DLGAP2: variants seen among roughly 807,000 people sequenced by gnomAD.
DLGAP2 encodes the protein DLG associated protein 2.
In DLGAP2, 26 loss-of-function variants were observed where a neutral mutation model predicts 100.3. The observed-to-expected ratio is 0.26, with a 90% CI of 0.19 to 0.36. The LOEUF (loss-of-function observed/expected upper bound fraction) is 0.36. Among genes scored for constraint, DLGAP2 ranks in the 10% least tolerant of loss-of-function variants. The probability of loss-of-function intolerance (pLI) is 1.00; values close to 1 mark genes in which losing one functional copy is unlikely to be tolerated. For synonymous variants in DLGAP2, 886 were observed against 630.1 expected (o/e 1.41, Z -6.08); for missense variants, 1,858 against 1,453.2 (o/e 1.28, Z -4.53).
chr8:1,586,647 C>T (rs1796129844), intron 6 of DLGAP2, among the ~76,000 whole-genome samples: 1 of 152,206 alleles, frequency 6.6e-6, no homozygotes, highest in South Asian at 2.1e-4. Context: ...CCCTAGGGGT[C>T]AGAGTCCCGC....
chr8:1,526,161 C>T (rs571613961), intron 4 of DLGAP2, among the ~76,000 whole-genome samples: 6 of 151,428 alleles, frequency 4.0e-5, no homozygotes, highest in African/African-American at 4.8e-5. Flanking sequence ...GTGTTCCCAA[C>T]GGGCTTCAGT....
intron 4 of DLGAP2, among the ~76,000 whole-genome samples, chr8:1,544,735 A>ATTT (rs35617361): frequency 1.2e-4 from 18 of 145,752 alleles, no homozygotes; most frequent in African/African-American, 3.3e-4. Flanking sequence ...ATTTTTGAGG[A>ATTT]TTTTTTTTTT....
At chr8:868,870 G>C (rs922333982) in intron 1 of DLGAP2, among the ~76,000 whole-genome samples, 1 of 152,234 alleles carries the variant, frequency 6.6e-6, no homozygotes, top group African/African-American at 2.4e-5. Flanking sequence ...GGGTGAAGTG[G>C]GGGCCGCGCA....
chr8:1,304,867 A>G (rs1481456610), intron 3 of DLGAP2, among the ~76,000 whole-genome samples: 3 of 152,250 alleles, frequency 2.0e-5, no homozygotes, highest in Non-Finnish European at 4.4e-5. Context: ...CTGAAAAGGC[A>G]CAGTCTGTGT....
intron 2 of DLGAP2, among the ~76,000 whole-genome samples, chr8:1,061,245 G>T (rs1293730049): frequency 6.6e-6 from 1 of 152,172 alleles, no homozygotes. Context: ...TGGAATAGTT[G>T]CGGGGAAATT....
chr8:1,515,696 A>T (rs1800347432), intron 4 of DLGAP2, among the ~76,000 whole-genome samples: 2 of 152,196 alleles, frequency 1.3e-5, no homozygotes, highest in Non-Finnish European at 1.5e-5. Context: ...ACATGCACAA[A>T]TATGCAGACA....
At chr8:1,542,290 G>A (rs969156019) in intron 4 of DLGAP2, among the ~76,000 whole-genome samples, 2 of 152,200 alleles carry the variant, frequency 1.3e-5, no homozygotes, top group East Asian at 1.9e-4. Context: ...GCTTTAGGAT[G>A]TACAATTCGG....
At chr8:912,932 C>A (rs764490680) in intron 2 of DLGAP2, among the ~76,000 whole-genome samples, 1 of 152,084 alleles carries the variant, frequency 6.6e-6, no homozygotes, top group Non-Finnish European at 1.5e-5. Flanking sequence ...GTGTAACTTT[C>A]CTGTGGTCTT....
chr8:1,477,199 C>T (rs1421352399), intron 3 of DLGAP2, among the ~76,000 whole-genome samples: 1 of 151,762 alleles, frequency 6.6e-6, no homozygotes, highest in Non-Finnish European at 1.5e-5. Context: ...TGGATGCGCA[C>T]CTGTCCAGGA....
chr8:1,378,274 C>G (rs1796007990), intron 3 of DLGAP2, among the ~76,000 whole-genome samples: 1 of 150,648 alleles, frequency 6.6e-6, no homozygotes, highest in Non-Finnish European at 1.5e-5. Context: ...CTTCGCCTGT[C>G]TGTCCTGCAC....
At chr8:1,026,153 C>T (rs1801793689) in intron 2 of DLGAP2, among the ~76,000 whole-genome samples, 1 of 152,162 alleles carries the variant, frequency 6.6e-6, no homozygotes. Flanking sequence ...CGTTGGTGCC[C>T]ATGGCTGTGA....
intron 10 of DLGAP2, among the ~76,000 whole-genome samples, chr8:1,672,743 A>C (rs1287999883): frequency 6.6e-6 from 1 of 152,070 alleles, no homozygotes; most frequent in Non-Finnish European, 1.5e-5. Context: ...CCCAGAGCTC[A>C]AAGCCTCACA....
intron 2 of DLGAP2, among the ~76,000 whole-genome samples, chr8:1,231,637 A>G (rs973737798): frequency 1.3e-5 from 2 of 152,234 alleles, no homozygotes; most frequent in South Asian, 2.1e-4. Flanking sequence ...ACACCGTGGG[A>G]TACTGCATAG....
chr8:1,701,087 C>T (rs1799553088), intron 14 of DLGAP2, 101 bp from the exon 15 acceptor site: 6 of 1,083,236 alleles, frequency 5.5e-6, no homozygotes, highest in East Asian at 2.6e-5. Flanking sequence ...CTGGGGGCTG[C>T]GGTCGGGAAG....
chr8:1,060,477 C>T (rs1419519741), intron 2 of DLGAP2, among the ~76,000 whole-genome samples: 7 of 151,428 alleles, frequency 4.6e-5, no homozygotes, highest in Admixed American at 4.6e-4. Context: ...ACCCCTGCCC[C>T]TGCTTCACAC....
chr8:1,445,923 T>G (rs975134552), intron 3 of DLGAP2, among the ~76,000 whole-genome samples: 6 of 152,230 alleles, frequency 3.9e-5, no homozygotes, highest in African/African-American at 1.2e-4. Context: ...ATTCACCAAC[T>G]TTTTGATGGG....
intron 2 of DLGAP2, among the ~76,000 whole-genome samples, chr8:1,025,142 GCGTGTGTGTGTGCGCA>G (rs1044326259): frequency 2.0e-5 from 3 of 152,160 alleles, no homozygotes; most frequent in Non-Finnish European, 4.4e-5. Context: ...ATGTGTGTGT[GCGTGTGTGTGTGCGCA>G]CGTGTGTGTG....
chr8:1,326,905 A>G (rs867206770), intron 3 of DLGAP2, among the ~76,000 whole-genome samples: 4 of 152,228 alleles, frequency 2.6e-5, no homozygotes, highest in African/African-American at 9.6e-5. Flanking sequence ...CAGGGAGAAG[A>G]GAAAAAGTGG....
intron 5 of DLGAP2, among the ~76,000 whole-genome samples, chr8:1,555,648 C>T (rs1033516731): frequency 6.6e-6 from 1 of 152,222 alleles, no homozygotes; most frequent in Non-Finnish European, 1.5e-5. Context: ...CGGCTGGACT[C>T]CTCCATCACC....
Sources: gnomAD v4.1 joint callset for allele counts (sites outside exome capture counted in the v4.1 genomes callset) on GRCh38, gnomAD v4.1.1 for gene constraint, MANE v1.5 for transcripts, NCBI Gene and HGNC (gene_info 2026-07-23, HGNC 2026-07-21) for gene names.